Variants in BTD observed in about 807,000 individuals in gnomAD.
The protein encoded by BTD is biotinidase, also known as biocytinase.
In BTD, 13 loss-of-function variants were observed where a neutral mutation model predicts 17.7. That is an observed-to-expected ratio of 0.74 (90% CI 0.48 to 1.17). The LOEUF (loss-of-function observed/expected upper bound fraction) is 1.17, where lower values mean the gene tolerates loss of function less well. Ranked by LOEUF, BTD falls within the 50% of genes most tolerant of loss-of-function variation. The pLI is 0.00. For missense variants in BTD, 674 were observed against 650.4 expected (o/e 1.04, Z -0.39); for synonymous variants, 240 against 245.2 (o/e 0.98, Z 0.20).
At chr3:15,620,633 C>T (rs117810942) in intron 1 of BTD, among the ~76,000 whole-genome samples, 3,235 of 152,324 alleles carry the variant, frequency 0.021, 213 homozygotes, top group Admixed American at 0.12. Flanking sequence ...CATACATCTT[C>T]AGCCTACGAA....
intron 1 of BTD, among the ~76,000 whole-genome samples, chr3:15,613,215 G>T (rs958813200): frequency 1.3e-5 from 2 of 152,154 alleles, no homozygotes; most frequent in African/African-American, 4.8e-5. Flanking sequence ...TCACCTTAGG[G>T]TGTGTCCACC....
At chr3:15,608,117 T>C (rs2064509838) in intron 1 of BTD, among the ~76,000 whole-genome samples, 1 of 152,022 alleles carries the variant, frequency 6.6e-6, no homozygotes, top group Non-Finnish European at 1.5e-5. Flanking sequence ...ACACTGGGAG[T>C]TTTCCCAGGT....
At chr3:15,602,259 C>T (rs1017773121) in intron 1 of BTD, 3 of 1,262,302 alleles carry the variant, frequency 2.4e-6, no homozygotes, top group Non-Finnish European at 3.0e-6. Flanking sequence ...ATCCTGTTTC[C>T]TACCCACTAT....
intron 3 of BTD, among the ~76,000 whole-genome samples, chr3:15,694,222 A>AT (rs397810806): frequency 6.6e-6 from 1 of 151,824 alleles, no homozygotes; most frequent in Non-Finnish European, 1.5e-5. Flanking sequence ...CTGAAAAAAA[A>AT]TTTAGAGGAA....
rs189821030 is a variant in BTD at position 15,650,780 on chromosome 3, G to T, written c.*5292G>T. ...GGCCAGAGAGCTGTGATATTCTTTT[G>T]TTTTTTTGAGATGGAGTCTTGCTCT... On this transcript the variant is annotated 3_prime_UTR_variant, in exon 4 of 4. Transcript: ENST00000643237. Among the ~76,000 whole-genome samples the T allele has an allele frequency of 4.4e-3, 672 of 152,102 alleles. 8 individuals carry two copies. The highest frequency in any genetic ancestry group is 0.015 in the South Asian group (73 of 4,820).
intron 3 of BTD, among the ~76,000 whole-genome samples, chr3:15,699,670 A>G (rs564310644): frequency 6.6e-6 from 1 of 152,210 alleles, no homozygotes; most frequent in Non-Finnish European, 1.5e-5. Context: ...AAATGCAAAT[A>G]AAAACCACAA....
chr3:15,633,132 T>C (rs2065254923), intron 1 of BTD, among the ~76,000 whole-genome samples: 1 of 152,216 alleles, frequency 6.6e-6, no homozygotes. Flanking sequence ...GCTATATAAA[T>C]AATTGTTATA....
At chr3:15,686,131 C>A in intron 3 of BTD, 1 of 1,610,284 alleles carries the variant, frequency 6.2e-7, no homozygotes, top group Non-Finnish European at 8.5e-7. Flanking sequence ...TGAGCAACAA[C>A]AGGAATAGGT....
At chr3:15,671,552 T>C (rs2066352235) in intron 3 of BTD, among the ~76,000 whole-genome samples, 1 of 151,896 alleles carries the variant, frequency 6.6e-6, no homozygotes, top group Non-Finnish European at 1.5e-5. Context: ...TTTCCTTGCT[T>C]TCAACTTGGA....
rs1483724913 is a variant in BTD, at chr3:15,651,257, G to A, written c.*5769G>A. Among the ~76,000 whole-genome samples, 1 of 152,212 alleles carries A rather than the reference G, an allele frequency of 6.6e-6. No individual in the cohort carries two copies. The highest frequency in any genetic ancestry group is 1.5e-5 in the Non-Finnish European group (1 of 68,034). On this transcript the variant is annotated 3_prime_UTR_variant, in exon 4 of 4. Coordinates refer to ENST00000643237, the MANE Select transcript of BTD (RefSeq NM_001370658.1). ...TTGGGCCAAAACAGTAAATGTCCAC[G>A]AGGCTTTTTTCCTCTGAGCAGAAAT...
chr3:15,678,495 G>A lies in BTD; in HGVS notation c.400-31565G>A, dbSNP rs1177249630. The A allele has an allele frequency of 5.1e-6, 3 of 593,554 alleles. No individual in the cohort carries two copies. The Admixed American group carries it at 1.2e-4, about 23-fold the overall frequency. The allele number at this position is 593,554 out of a possible 1,614,324, so 36.8% of individuals were successfully genotyped here. ...GCACTGCCTGTACACAAACAAATAG[G>A]CTCAATGGAGCTTACTAATTTCTCT... On this transcript the variant is annotated intron_variant, in intron 3 of 3. Transcript: ENST00000672141.
intron 1 of BTD, among the ~76,000 whole-genome samples, chr3:15,623,374 ATATATT>A (rs1328668716): frequency 6.6e-6 from 1 of 152,220 alleles, no homozygotes; most frequent in Non-Finnish European, 1.5e-5. Context: ...TTTCGAATTG[ATATATT>A]TATACCATTG....
chr3:15,624,654 A>G (rs1002435659), intron 1 of BTD, among the ~76,000 whole-genome samples: 18 of 150,892 alleles, frequency 1.2e-4, no homozygotes, highest in Non-Finnish European at 1.5e-4. Context: ...AGCCTGTGGC[A>G]TATTCATCAT....
intron 3 of BTD, chr3:15,669,144 C>T (rs1440479134): frequency 3.9e-5 from 6 of 152,184 alleles, no homozygotes; most frequent in African/African-American, 1.2e-4. Flanking sequence ...TATTTTAAAT[C>T]TTGCCCAATA....
downstream of BTD, among the ~76,000 whole-genome samples, chr3:15,654,407 ACCT>A (rs575983451): frequency 9.8e-4 from 149 of 152,102 alleles, no homozygotes; most frequent in African/African-American, 2.9e-3. Context: ...CAGATGCTTC[ACCT>A]CCTCCTAAGT....
intron 3 of BTD, chr3:15,668,446 G>T (rs2066091177): frequency 6.6e-6 from 1 of 151,934 alleles, no homozygotes. Flanking sequence ...ATTAGGAAGG[G>T]TTCATTATGA....
rs1430145786 is a variant in BTD, at chr3:15,635,387, T to C, written c.-16-37T>C. 7 of 1,614,014 alleles carry C rather than the reference T, an allele frequency of 4.3e-6. No individual in the cohort carries two copies. The highest frequency in any genetic ancestry group is 5.9e-6 in the Non-Finnish European group (7 of 1,180,032). On this transcript the variant is annotated intron_variant, in intron 1 of 3. Transcript: ENST00000643237. The surrounding 1 kb of genome is among the most constrained non-coding windows in gnomAD (Gnocchi z 4.1). ...ACGTTAAATTCTTGGCAGGATTCTTTATTCAGCTGTTTTCCCCTTGCCCCA... is the reference window on the plus strand; with the variant it reads ...ACGTTAAATTCTTGGCAGGATTCTTCATTCAGCTGTTTTCCCCTTGCCCCA...
chr3:15,709,900 A>G (rs9861740), intron 3 of BTD, among the ~76,000 whole-genome samples: 6,339 of 152,284 alleles, frequency 0.042, 428 homozygotes, highest in African/African-American at 0.14. Flanking sequence ...CATCTTATCT[A>G]GAATTTAGAA....
chr3:15,629,626 C>T (rs1163196720), intron 1 of BTD, among the ~76,000 whole-genome samples: 3 of 152,152 alleles, frequency 2.0e-5, no homozygotes, highest in Admixed American at 6.5e-5. Context: ...CGAGTTCAAG[C>T]GATTCTCCTG....
Sources: gnomAD v4.1 joint callset for allele counts (sites outside exome capture counted in the v4.1 genomes callset) on GRCh38, gnomAD v4.1.1 for gene constraint, Gnocchi (gnomAD v3.1) non-coding constraint, MANE v1.5 for transcripts, NCBI Gene and HGNC (gene_info 2026-07-23, HGNC 2026-07-21) for gene names.